TOP6BL: variants seen among roughly 807,000 people sequenced by gnomAD.
TOP6BL encodes type 2 DNA topoisomerase 6 subunit B-like.
the TOP6BL span, among the ~76,000 whole-genome samples, chr11:66,838,663 C>G: frequency 6.6e-6 from 1 of 152,132 alleles, no homozygotes; most frequent in Non-Finnish European, 1.5e-5. Context: ...AAAGTCTGTG[C>G]AGTTACAGAT....
chr11:66,789,754 G>A, the TOP6BL span, among the ~76,000 whole-genome samples: 3 of 152,130 alleles, frequency 2.0e-5, no homozygotes, highest in African/African-American at 7.2e-5. Flanking sequence ...GGTAGGATGA[G>A]GATTATCACC....
At chr11:66,746,432 CA>C in the TOP6BL span, among the ~76,000 whole-genome samples, 1 of 151,842 alleles carries the variant, frequency 6.6e-6, no homozygotes, top group African/African-American at 2.4e-5. Flanking sequence ...GAAAAAAATA[CA>C]AAAATTAGCG....
the TOP6BL span, among the ~76,000 whole-genome samples, chr11:66,833,797 A>C: frequency 2.6e-5 from 4 of 152,050 alleles, no homozygotes; most frequent in Admixed American, 6.6e-5. Context: ...AAAATAAAAA[A>C]ATTAGCCAGG....
the TOP6BL span, among the ~76,000 whole-genome samples, chr11:66,838,030 G>A: frequency 6.6e-5 from 10 of 152,294 alleles, no homozygotes; most frequent in East Asian, 1.9e-3. Context: ...GGGATTTAGG[G>A]TGTAGAAAAT....
At chr11:66,759,834 C>T in the TOP6BL span, among the ~76,000 whole-genome samples, 16 of 152,200 alleles carry the variant, frequency 1.1e-4, no homozygotes, top group African/African-American at 3.1e-4. Context: ...CTGCCTGCCT[C>T]GGCCTCCCAA....
the TOP6BL span, among the ~76,000 whole-genome samples, chr11:66,753,847 G>A: frequency 6.6e-6 from 1 of 152,114 alleles, no homozygotes; most frequent in East Asian, 1.9e-4. Context: ...TGGGATTACA[G>A]GTGTCTGCCA....
the TOP6BL span, among the ~76,000 whole-genome samples, chr11:66,748,127 A>G: frequency 6.6e-6 from 1 of 152,284 alleles, no homozygotes; most frequent in South Asian, 2.1e-4. Flanking sequence ...GAATAAAGGA[A>G]TTTATTGTCT....
chr11:66,744,910 C>T, the TOP6BL span: 12 of 1,264,036 alleles, frequency 9.5e-6, no homozygotes, highest in African/African-American at 1.1e-4. Context: ...CGGCCGTGGC[C>T]GTGTTCGAGG....
At chr11:66,770,946 G>A in the TOP6BL span, among the ~76,000 whole-genome samples, 1 of 151,960 alleles carries the variant, frequency 6.6e-6, no homozygotes, top group African/African-American at 2.4e-5. Context: ...GCTGCCAAGT[G>A]TTACTTGTGT....
chr11:66,831,108 C>T, the TOP6BL span, among the ~76,000 whole-genome samples: 4 of 152,170 alleles, frequency 2.6e-5, no homozygotes, highest in Admixed American at 6.5e-5. Context: ...ACTGACTATA[C>T]CACATGTTAA....
At chr11:66,765,190 GTATCATTTATGGGT>G in the TOP6BL span, among the ~76,000 whole-genome samples, 10 of 152,178 alleles carry the variant, frequency 6.6e-5, no homozygotes, top group Non-Finnish European at 1.3e-4. Flanking sequence ...CTCTTAGGGA[GTATCATTTATGGGT>G]TATCATTTAT....
chr11:66,778,400 A>C, the TOP6BL span, among the ~76,000 whole-genome samples: 1 of 152,156 alleles, frequency 6.6e-6, no homozygotes, highest in Non-Finnish European at 1.5e-5. Context: ...CAAGAGGTCA[A>C]GGCTACAGTG....
chr11:66,794,240 T>A, the TOP6BL span, among the ~76,000 whole-genome samples: 4 of 152,086 alleles, frequency 2.6e-5, no homozygotes, highest in Non-Finnish European at 4.4e-5. Flanking sequence ...GTTTTTTGTT[T>A]TTAACATATA....
At chr11:66,836,607 C>A in the TOP6BL span, among the ~76,000 whole-genome samples, 3 of 149,208 alleles carry the variant, frequency 2.0e-5, no homozygotes, top group Non-Finnish European at 3.0e-5. Context: ...AATCCCAGCA[C>A]TTTGGGAGGC....
chr11:66,753,765 C>A, the TOP6BL span, among the ~76,000 whole-genome samples: 1 of 151,724 alleles, frequency 6.6e-6, no homozygotes, highest in Non-Finnish European at 1.5e-5. Context: ...AATGCAGTGG[C>A]ATGATCTCGG....
chr11:66,756,428 G>A, the TOP6BL span: 1 of 1,107,992 alleles, frequency 9.0e-7, no homozygotes, highest in Non-Finnish European at 1.1e-6. Context: ...CACCTCCCAG[G>A]TTCAAGTGAT....
At chr11:66,801,128 C>G in the TOP6BL span, 1 of 1,602,144 alleles carries the variant, frequency 6.2e-7, no homozygotes, top group South Asian at 1.1e-5. Context: ...CTTGTTGTCC[C>G]TCTGCATGTT....
the TOP6BL span, chr11:66,842,758 C>T: frequency 1.3e-5 from 17 of 1,289,400 alleles, no homozygotes; most frequent in Admixed American, 1.3e-4. Context: ...AAGAGCCCCT[C>T]GGCGCCCGTT....
chr11:66,814,277 G>A, the TOP6BL span, among the ~76,000 whole-genome samples: 21 of 151,926 alleles, frequency 1.4e-4, no homozygotes, highest in African/African-American at 5.1e-4. Context: ...TGTTTTGTTT[G>A]AGACAGAGTC....
Sources: allele counts gnomAD v4.1 joint callset (sites outside exome capture counted in the v4.1 genomes callset), GRCh38; gene constraint gnomAD v4.1.1; transcripts MANE v1.5; gene names NCBI Gene and HGNC (gene_info 2026-07-23, HGNC 2026-07-21).